SASH1: variants seen among roughly 807,000 people sequenced by gnomAD.
The protein encoded by SASH1 is SAM and SH3 domain-containing protein 1.
A neutral mutation model predicts 125.2 loss-of-function variants in SASH1; 44 were observed. The ratio of observed to expected loss-of-function variants is 0.35; its 90% CI spans 0.28 to 0.45. SASH1 has a LOEUF of 0.45. Ranked by LOEUF, SASH1 falls within the 20% of genes least tolerant of loss-of-function variation. The probability of loss-of-function intolerance (pLI) is 1.00; values close to 1 mark genes in which losing one functional copy is unlikely to be tolerated. For synonymous variants in SASH1, 639 were observed against 649.1 expected (o/e 0.98, Z 0.24); for missense variants, 1,426 against 1,614.5 (o/e 0.88, Z 2.00).
the SASH1 span, among the ~76,000 whole-genome samples, chr6:148,196,518 A>G: frequency 2.0e-5 from 3 of 152,164 alleles, no homozygotes; most frequent in Non-Finnish European, 4.4e-5. Flanking sequence ...ATCTCCTCCC[A>G]AGAGACCCCA....
chr6:148,479,032 T>C (rs905363000), intron 7 of SASH1: 1 of 150,196 alleles, frequency 6.7e-6, no homozygotes, highest in African/African-American at 2.5e-5. Context: ...TGGAGAGAGA[T>C]GAGACTGCAC....
At chr6:148,337,957 A>T (rs975874758), upstream of SASH1, among the ~76,000 whole-genome samples, 1 of 150,242 alleles carries the variant, frequency 6.7e-6, no homozygotes, top group Non-Finnish European at 1.5e-5. Flanking sequence ...CTTGGAATTC[A>T]CTCACCCACA....
intron 2 of SASH1, among the ~76,000 whole-genome samples, chr6:148,422,184 G>T (rs1169921026): frequency 2.0e-5 from 3 of 152,190 alleles, no homozygotes. Flanking sequence ...CATTTGTTTT[G>T]CAGACAGGGC....
At chr6:148,345,507 G>A (rs62433978) in intron 1 of SASH1, among the ~76,000 whole-genome samples, 35,682 of 152,054 alleles carry the variant, frequency 0.23, 4,453 homozygotes, top group Middle Eastern at 0.32. Flanking sequence ...GGGTAAACAG[G>A]CATGGAGATT....
chr6:148,246,371 TAA>T, the SASH1 span, among the ~76,000 whole-genome samples: 3 of 152,342 alleles, frequency 2.0e-5, no homozygotes, highest in African/African-American at 7.2e-5. Flanking sequence ...GGTAGTGGGG[TAA>T]TGTTTATGTG....
intron 9 of SASH1, among the ~76,000 whole-genome samples, chr6:148,516,156 CTTTAA>C (rs956141048): frequency 6.6e-5 from 10 of 152,224 alleles, no homozygotes; most frequent in Admixed American, 6.5e-4. Flanking sequence ...TGGCTCTGAA[CTTTAA>C]TTTATCTGGG....
chr6:148,326,323 C>CATATATCT (rs1780798043), intron 1 of SASH1, among the ~76,000 whole-genome samples: 1 of 9,816 alleles, frequency 1.0e-4, no homozygotes, highest in African/African-American at 4.1e-4. Context: ...CCACCGCATG[C>CATATATCT]ATATATATAT....
In SASH1 at chr6:148,390,236, CG is replaced by C; in HGVS notation, c.261del (p.Arg88GlyfsTer55). ...VCERMEELRK[R>X]RVSQDLEVEK... ...CGAGAGGATGGAGGAGCTGCGGAAA[CG>C]GCGGGTTTCCCAGGACCTGGAAGTG... On this transcript the variant is annotated frameshift_variant, in exon 2 of 20. Coordinates refer to ENST00000367467, the MANE Select transcript of SASH1 (RefSeq NM_015278.5). LOFTEE classifies it high-confidence loss of function. 6.2e-7 allele frequency: 1 copy of C among 1,612,148 alleles called. No individual in the cohort carries two copies. Among genetic ancestry groups the C allele is most frequent in the Non-Finnish European group, 8.5e-7 (1 of 1,179,456 alleles).
chr6:148,332,402 G>A (rs956487874), intron 1 of SASH1, among the ~76,000 whole-genome samples: 1 of 152,096 alleles, frequency 6.6e-6, no homozygotes, highest in African/African-American at 2.4e-5. Flanking sequence ...AAATAAATTG[G>A]ACTATTTATA....
chr6:148,278,819 T>G (rs1039788737), intron 1 of SASH1: 5 of 152,148 alleles, frequency 3.3e-5, no homozygotes, highest in Admixed American at 1.3e-4. Flanking sequence ...AATAAATACG[T>G]AATATAAACA....
chr6:148,467,482 T>A lies in SASH1; in HGVS notation c.387-1063T>A, dbSNP rs373310449. Among the ~76,000 whole-genome samples the A allele has an allele frequency of 3.3e-5, 5 of 152,334 alleles. No individual in the cohort carries two copies. In the East Asian group the frequency reaches 9.6e-4, roughly 29 times the overall value. ...TTTGGGCTGTGCACACTTTTCAGAT[T>A]ATTTGGGTTAATCTGTATCTGCCTT... On this transcript the variant is annotated intron_variant, in intron 4 of 19. Transcript: ENST00000367467.
intron 8 of SASH1, among the ~76,000 whole-genome samples, chr6:148,512,192 G>A (rs1780184260): frequency 1.3e-5 from 2 of 151,938 alleles, no homozygotes; most frequent in Non-Finnish European, 2.9e-5. Flanking sequence ...CTAATTTTTT[G>A]TATTTTTAGT....
the SASH1 span, among the ~76,000 whole-genome samples, chr6:148,248,742 G>A: frequency 6.6e-6 from 1 of 152,182 alleles, no homozygotes; most frequent in African/African-American, 2.4e-5. Context: ...TGGTGCTAAA[G>A]CATCTCCATA....
intron 1 of SASH1, among the ~76,000 whole-genome samples, chr6:148,317,425 T>A (rs982406660): frequency 2.0e-5 from 3 of 152,036 alleles, no homozygotes; most frequent in African/African-American, 7.2e-5. Flanking sequence ...AGGAAAAAAA[T>A]TTTTTTTGTT....
intron 1 of SASH1, among the ~76,000 whole-genome samples, chr6:148,294,582 C>T (rs576086972): frequency 6.6e-6 from 1 of 152,232 alleles, no homozygotes; most frequent in South Asian, 2.1e-4. Flanking sequence ...TACATAGTTG[C>T]TACTGTTCTA....
intron 2 of SASH1, among the ~76,000 whole-genome samples, chr6:148,396,146 A>G (rs1424406702): frequency 2.0e-5 from 3 of 149,688 alleles, no homozygotes; most frequent in Non-Finnish European, 3.0e-5. Flanking sequence ...GGGAATGTCA[A>G]TAAAAATATT....
intron 1 of SASH1, among the ~76,000 whole-genome samples, chr6:148,388,096 G>T (rs529811553): frequency 2.6e-5 from 4 of 151,852 alleles, no homozygotes; most frequent in African/African-American, 9.7e-5. Flanking sequence ...TGTATTTTTA[G>T]TAGAGACGGG....
intron 1 of SASH1, among the ~76,000 whole-genome samples, chr6:148,300,566 A>T (rs1248446156): frequency 6.7e-6 from 1 of 149,672 alleles, no homozygotes; most frequent in Non-Finnish European, 1.5e-5. Context: ...CTCTCACCTC[A>T]GCCTCCCCAG....
At chr6:148,316,173 G>T (rs914869887) in intron 1 of SASH1, among the ~76,000 whole-genome samples, 7 of 152,168 alleles carry the variant, frequency 4.6e-5, no homozygotes, top group Middle Eastern at 3.2e-3. Context: ...TGGAGTCAGA[G>T]TGCAATGTTT....
Sources: gnomAD v4.1 joint callset for allele counts (sites outside exome capture counted in the v4.1 genomes callset) on GRCh38, gnomAD v4.1.1 for gene constraint, MANE v1.5 for transcripts, NCBI Gene and HGNC (gene_info 2026-07-23, HGNC 2026-07-21) for gene names.